The following LCN8 variants were observed in gnomAD, a reference collection of about 807,000 sequenced individuals.
LCN8 encodes epididymal-specific lipocalin-8.
Under a neutral mutation model 22.8 loss-of-function variants are expected in LCN8, and 16 were observed. The observed-to-expected ratio is 0.70, with a 90% CI of 0.47 to 1.06. LCN8 has a LOEUF of 1.06. LCN8 is among the 50% of genes least tolerant of loss of function. LCN8 has a pLI of 0.00. For synonymous variants in LCN8, 92 were observed against 83.4 expected (o/e 1.10, Z -0.56); for missense variants, 189 against 203.3 (o/e 0.93, Z 0.43).
At chr9:136,755,664 T>G in intron 3 of LCN8, 148 bp from the exon 4 acceptor site, 1 of 1,258,684 alleles carries the variant, frequency 7.9e-7, no homozygotes, top group South Asian at 1.7e-5. Context: ...TGAAGGATGA[T>G]CCAGTGTGTT....
intron 1 of LCN8, 197 bp downstream of exon 1, chr9:136,757,710 C>T (rs192487076): frequency 2.0e-6 from 2 of 985,474 alleles, no homozygotes; most frequent in Admixed American, 6.1e-5. Flanking sequence ...CGGCATCTAC[C>T]TTCTCTGGGC....
At chr9:136,755,376 C>T in intron 4 of LCN8, 36 bp downstream of exon 4, 1 of 1,610,776 alleles carries the variant, frequency 6.2e-7, no homozygotes, top group Non-Finnish European at 8.5e-7. Context: ...CCTGGGAGAG[C>T]AGCAGCTGGG....
rs535892853 is a variant in LCN8, at chr9:136,754,469, G to C, written c.*29C>G. 6.4e-7 allele frequency: 1 copy of C among 1,556,370 alleles called. No individual in the cohort carries two copies. The highest frequency in any genetic ancestry group is 8.7e-7 in the Non-Finnish European group (1 of 1,149,850). On this transcript the variant is annotated 3_prime_UTR_variant, in exon 7 of 7. Coordinates refer to ENST00000371688, the MANE Select transcript of LCN8 (RefSeq NM_178469.4). ...AGGGGCAGGGGTGGGCGGGCGCTCC[G>C]AACCTTGTGGTCTGAGGCAGGAACT...
Position 136,757,740 on chromosome 9 carries a change from CCAGCAGCCGGCACAGACT to C in LCN8, c.24+149_24+166del, listed in dbSNP as rs1245636932. 4 of 985,328 alleles carry C rather than the reference CCAGCAGCCGGCACAGACT, an allele frequency of 4.1e-6. No homozygotes were observed. The African/African-American group carries it at 7.0e-5, about 17-fold the overall frequency. 61.0% of individuals were successfully genotyped at this position (985,328 alleles called of 1,614,324 possible). On this transcript the variant is annotated intron_variant, in intron 1 of 6. Coordinates refer to ENST00000371688, the MANE Select transcript of LCN8 (RefSeq NM_178469.4). ...CTGGGCCTGCTAATGTGCCTCTGGC[CCAGCAGCCGGCACAGACT>C]CAGCGGAGAAGAAAATGCCGCTAAC...
intron 1 of LCN8, 72 bp downstream of exon 1, chr9:136,757,835 G>T (rs1847246451): frequency 6.2e-7 from 1 of 1,612,776 alleles, no homozygotes; most frequent in African/African-American, 1.3e-5. Context: ...CACACCGGGA[G>T]AGGCCTCCTT....
Position 136,754,503 on chromosome 9 carries a change from T to A in LCN8, c.454A>T (p.Ile152Phe). 1 of 1,555,376 alleles carries A rather than the reference T, an allele frequency of 6.4e-7. No individual in the cohort carries two copies. The highest frequency in any genetic ancestry group is 8.7e-7 in the Non-Finnish European group (1 of 1,149,068). ...RCAELLKEELI is the reference protein window; with the variant it reads ...RCAELLKEELF Reference sequence around the variant, plus strand: ...GGTCTGAGGCAGGAACTCCATTAAATCAGCTCCTGCGACACAGAAGTGCAG... The same window carrying A: ...GGTCTGAGGCAGGAACTCCATTAAAACAGCTCCTGCGACACAGAAGTGCAG... The change falls in exon 7 of 7, where the codon ATT (isoleucine) becomes TTT (phenylalanine). Residue 152 changes from isoleucine (I) to phenylalanine (F), a missense_variant. Coordinates refer to ENST00000371688, the MANE Select transcript of LCN8 (RefSeq NM_178469.4).
Position 136,756,937 on chromosome 9 carries a change from G to A in LCN8, c.155+101C>T, listed in dbSNP as rs559477346. Reference sequence around the variant, plus strand: ...GGGAGTGCTGGCCCACCAGCGGGACGGCACTCAGCCCAGACCCCACGCTGC... The same window carrying A: ...GGGAGTGCTGGCCCACCAGCGGGACAGCACTCAGCCCAGACCCCACGCTGC... On this transcript the variant is annotated intron_variant, in intron 2 of 6. Coordinates refer to ENST00000371688, the MANE Select transcript of LCN8 (RefSeq NM_178469.4). 1.9e-4 allele frequency: 259 copies of A among 1,358,982 alleles called. No individual in the cohort carries two copies. In the African/African-American group the frequency reaches 2.8e-3, roughly 15 times the overall value. The allele number at this position is 1,358,982 out of a possible 1,614,324, so 84.2% of individuals were successfully genotyped here. A position where few individuals can be genotyped will look rare whatever the true frequency, so the allele number is the denominator to read the frequency against.
chr9:136,758,273 G>GA (rs557067329), upstream of LCN8: 627 of 1,224,580 alleles, frequency 5.1e-4, 3 homozygotes, highest in Non-Finnish European at 2.2e-4. Context: ...CTGAGAGGAA[G>GA]AGGAGCTCCA....
intron 4 of LCN8, 27 bp downstream of exon 4, chr9:136,755,385 G>A (rs1289742000): frequency 6.2e-7 from 1 of 1,611,054 alleles, no homozygotes; most frequent in South Asian, 1.1e-5. Flanking sequence ...GCAGCAGCTG[G>A]GCAGAGCCCC....
intron 6 of LCN8, 73 bp downstream of exon 6, chr9:136,755,062 T>A: frequency 6.9e-7 from 1 of 1,449,928 alleles, no homozygotes; most frequent in East Asian, 2.5e-5. Flanking sequence ...CCACGGGGGC[T>A]CCTGACAGGG....
rs1847250946 is a variant in LCN8 at position 136,758,006 on chromosome 9, G to A, written c.-76C>T. 10 of 1,588,310 alleles carry A rather than the reference G, an allele frequency of 6.3e-6. No individual in the cohort carries two copies. The highest frequency in any genetic ancestry group is 8.6e-6 in the Non-Finnish European group (10 of 1,169,160). On this transcript the variant is annotated 5_prime_UTR_variant, in exon 1 of 7. Transcript: ENST00000371688. ...ACGGCAGCCTGGCCTCCGTGGCGGG[G>A]TCCGGGCTCCGGGTTCCCCTGCTGC...
intron 6 of LCN8, 83 bp downstream of exon 6, chr9:136,755,052 C>T (rs1362683402): frequency 3.5e-6 from 5 of 1,446,830 alleles, no homozygotes; most frequent in Non-Finnish European, 4.6e-6. Context: ...GGAGGCGGAG[C>T]CACGGGGGCT....
chr9:136,754,842 C>T, intron 6 of LCN8: 4 of 1,350,088 alleles, frequency 3.0e-6, no homozygotes, highest in Non-Finnish European at 3.8e-6. Flanking sequence ...GAAAAGGCGC[C>T]ATTTCTGCTC....
At chr9:136,756,639 C>T (rs760640795) in intron 2 of LCN8, 47 bp from the exon 3 acceptor site, 50 of 1,602,486 alleles carry the variant, frequency 3.1e-5, no homozygotes, top group East Asian at 2.0e-4. Context: ...GCCTGTGTCC[C>T]GCCTGCTGGG....
At chr9:136,757,628 C>A (rs2784067) in intron 1 of LCN8, 4 of 1,412,948 alleles carry the variant, frequency 2.8e-6, no homozygotes, top group South Asian at 1.5e-5. Context: ...CTCAGCAACC[C>A]GCCCAGAGCC....
At chr9:136,755,375 G>T (rs1337948128) in intron 4 of LCN8, 37 bp downstream of exon 4, 3 of 1,610,776 alleles carry the variant, frequency 1.9e-6, no homozygotes, top group South Asian at 2.2e-5. Context: ...CCCTGGGAGA[G>T]CAGCAGCTGG....
Position 136,758,173 on chromosome 9 carries a change from G to A in LCN8, c.-243C>T, listed in dbSNP as rs946187139. 22 of 1,423,326 alleles carry A rather than the reference G, an allele frequency of 1.5e-5. No homozygotes were observed. Among genetic ancestry groups the A allele is most frequent in the African/African-American group, 5.7e-5 (4 of 69,642 alleles). 88.2% of individuals were successfully genotyped at this position (1,423,326 alleles called of 1,614,324 possible). A position where few individuals can be genotyped will look rare whatever the true frequency, so the allele number is the denominator to read the frequency against. ...GGCCCTGGTGACACCCACGCCCACCGCAGGGGTTAGCCTGGCCTAGACAGC... is the reference window on the plus strand; with the variant it reads ...GGCCCTGGTGACACCCACGCCCACCACAGGGGTTAGCCTGGCCTAGACAGC... On this transcript the variant is annotated 5_prime_UTR_variant, in exon 1 of 7. Coordinates refer to ENST00000371688, the MANE Select transcript of LCN8 (RefSeq NM_178469.4).
At position 136,754,543 on chromosome 9, in the gene LCN8, G is replaced by A. The variant is rs762828377; in HGVS notation, c.448-34C>T. ...CAGAAGTGCAGGGGCTCAGGCCCGT[G>A]TGGTCTCTGGAGGCCCCACGGGGCT... On this transcript the variant is annotated intron_variant, in intron 6 of 6. Transcript: ENST00000371688. 43 of 1,548,996 alleles carry A rather than the reference G, an allele frequency of 2.8e-5. 1 individual carries two copies. In the South Asian group the frequency reaches 5.1e-4, roughly 18 times the overall value.
chr9:136,756,553 T>C lies in LCN8; in HGVS notation c.195A>G (p.Glu65=). The C allele has an allele frequency of 6.2e-7, 1 of 1,614,074 alleles. No homozygotes were observed. ...SCEIEKIVGS[E]IDSTGKFAFP... ...AAGCGAATTTTCCCGTACTGTCTAT[T>C]TCTGAGCCCACGATCTTCTCTATCT... is the stretch of plus-strand genomic sequence containing the variant. The change falls in exon 3 of 7, where the codon GAA becomes GAG. Residue 65 remains glutamate (E), a synonymous_variant. Coordinates refer to ENST00000371688, the MANE Select transcript of LCN8 (RefSeq NM_178469.4).
Sources: allele counts gnomAD v4.1 joint callset, GRCh38; gene constraint gnomAD v4.1.1; transcripts MANE v1.5; gene names NCBI Gene and HGNC (gene_info 2026-07-23, HGNC 2026-07-21).